The following NUP155 variants were observed in gnomAD, a reference collection of about 807,000 sequenced individuals.
NUP155 encodes nuclear pore complex protein Nup155.
A neutral mutation model predicts 180.4 loss-of-function variants in NUP155; 71 were observed. The ratio of observed to expected loss-of-function variants is 0.39; its 90% CI spans 0.33 to 0.48. The LOEUF (loss-of-function observed/expected upper bound fraction) is 0.48, where lower values mean the gene tolerates loss of function less well. NUP155 is among the 20% of genes least tolerant of loss of function. The pLI is 0.91. For missense variants in NUP155, 1,553 were observed against 1,648.9 expected (o/e 0.94, Z 1.01); for synonymous variants, 582 against 559.5 (o/e 1.04, Z -0.57).
At chr5:37,332,573 TC>T (rs1745050618) in intron 13 of NUP155, among the ~76,000 whole-genome samples, 1 of 152,070 alleles carries the variant, frequency 6.6e-6, no homozygotes, top group African/African-American at 2.4e-5. Flanking sequence ...GGCAAAAACC[TC>T]AATTGTTTTT....
rs1401620872 is a variant in NUP155, at chr5:37,341,009, T to C, written c.1246+81A>G. 14 of 1,223,006 alleles carry C rather than the reference T, an allele frequency of 1.1e-5. No individual in the cohort carries two copies. The East Asian group carries it at 3.3e-4, about 29-fold the overall frequency. The allele number at this position is 1,223,006 out of a possible 1,614,324, so 75.8% of individuals were successfully genotyped here. A position where few individuals can be genotyped will look rare whatever the true frequency, so the allele number is the denominator to read the frequency against. On this transcript the variant is annotated intron_variant, in intron 11 of 34. Coordinates refer to ENST00000231498, the MANE Select transcript of NUP155 (RefSeq NM_153485.3). ...CAGTTTCTACTGTTGCCATAGGGTA[T>C]TTTCAAATACTTCACAACACCATAT...
Position 37,303,405 on chromosome 5 carries a change from G to A in NUP155, c.3172C>T (p.Pro1058Ser), listed in dbSNP as rs1561769358. 1.2e-6 allele frequency: 2 copies of A among 1,613,846 alleles called. No homozygotes were observed. The highest frequency in any genetic ancestry group is 1.3e-5 in the African/African-American group (1 of 74,904). ...CGGACTAGATGTGGCTCCAGAAATGGAGAAGCAACCTAGAAATTATATAGT... is the reference window on the plus strand; with the variant it reads ...CGGACTAGATGTGGCTCCAGAAATGAAGAAGCAACCTAGAAATTATATAGT... The part of the protein sequence containing the change: ...LADKLLQVAS[P>S]FLEPHLVRMA... The change falls in exon 28 of 35, where the codon CCA becomes TCA. Residue 1058 changes from proline (P) to serine (S), a missense_variant. Physicochemically the swap from Pro to Ser is moderately conservative, Grantham distance 74 (BLOSUM62 -1). Coordinates refer to ENST00000231498, the MANE Select transcript of NUP155 (RefSeq NM_153485.3).
intron 30 of NUP155, chr5:37,301,157 C>T: frequency 1.1e-5 from 4 of 357,056 alleles, no homozygotes; most frequent in Non-Finnish European, 2.1e-5. Context: ...TGAGGTTTTG[C>T]CATGTTGCCC....
At chr5:37,341,987 C>A (rs1368816467) in intron 10 of NUP155, among the ~76,000 whole-genome samples, 1 of 152,188 alleles carries the variant, frequency 6.6e-6, no homozygotes, top group African/African-American at 2.4e-5. Flanking sequence ...CCAATTCAGG[C>A]TTTGTTACAA....
intron 8 of NUP155, among the ~76,000 whole-genome samples, chr5:37,348,813 A>G (rs1746273252): frequency 6.6e-6 from 1 of 152,020 alleles, no homozygotes; most frequent in Non-Finnish European, 1.5e-5. Context: ...TGGAGGGCAA[A>G]GGCATGATCT....
intron 4 of NUP155, among the ~76,000 whole-genome samples, chr5:37,353,759 A>G (rs896809284): frequency 6.6e-6 from 1 of 152,146 alleles, no homozygotes; most frequent in Admixed American, 6.6e-5. Context: ...TACAGACAAA[A>G]AGTGGAATGG....
chr5:37,357,396 T>A (rs1242662185), intron 4 of NUP155, among the ~76,000 whole-genome samples: 1 of 32,400 alleles, frequency 3.1e-5, no homozygotes, highest in Non-Finnish European at 5.1e-5. Flanking sequence ...AAGACCTTAA[T>A]CTCAAAAAAA....
intron 1 of NUP155, among the ~76,000 whole-genome samples, chr5:37,367,347 C>G (rs1747660493): frequency 6.6e-6 from 1 of 151,038 alleles, no homozygotes; most frequent in Admixed American, 6.6e-5. Context: ...CCCGAGATGC[C>G]AGGACTACAG....
In NUP155 at chr5:37,327,781, T is replaced by C. The variant is rs183010534; in HGVS notation, c.1877-5A>G. ...ACATGGCAGGAGGCTGTATACCTTG[T>C]ACACACATAAGAAAAACAAATCTCT... On this transcript the variant is annotated splice_region_variant and splice_polypyrimidine_tract_variant and intron_variant, in intron 17 of 34. Coordinates refer to ENST00000231498, the MANE Select transcript of NUP155 (RefSeq NM_153485.3). 78 of 1,614,044 alleles carry C rather than the reference T, an allele frequency of 4.8e-5. No homozygotes were observed. In the African/African-American group the frequency reaches 8.7e-4, roughly 18 times the overall value.
At chr5:37,292,187 A>C (rs1742269044) in intron 34 of NUP155, 149 bp from the exon 35 acceptor site, 1 of 766,580 alleles carries the variant, frequency 1.3e-6, no homozygotes, top group Non-Finnish European at 2.1e-6. Context: ...TAAAAAAGAA[A>C]ACTTGGGTGT....
At chr5:37,352,851 G>A (rs1215067724) in intron 4 of NUP155, 22 bp from the exon 5 acceptor site, 1 of 1,542,578 alleles carries the variant, frequency 6.5e-7, no homozygotes, top group Admixed American at 1.7e-5. Context: ...TAGACACAGG[G>A]CAGGAATACT....
At position 37,333,562 on chromosome 5, in the gene NUP155, AATT is replaced by A; in HGVS notation, c.1416_1418del (p.Ile473del). 1 of 1,613,646 alleles carries A rather than the reference AATT, an allele frequency of 6.2e-7. No individual in the cohort carries two copies. Among genetic ancestry groups the A allele is most frequent in the Non-Finnish European group, 8.5e-7 (1 of 1,179,570 alleles). ...GAATATGATCCTTGTTTAAAGGTGTAATTATTTTATCTACTTTCAATTCATCTA... is the reference window on the plus strand; with the variant it reads ...GAATATGATCCTTGTTTAAAGGTGTAATTTTATCTACTTTCAATTCATCTA... On this transcript the variant is annotated inframe_deletion, in exon 13 of 35. Coordinates refer to ENST00000231498, the MANE Select transcript of NUP155 (RefSeq NM_153485.3).
chr5:37,317,874 T>A (rs979093582), intron 21 of NUP155, 114 bp downstream of exon 21: 38 of 765,598 alleles, frequency 5.0e-5, no homozygotes, highest in Non-Finnish European at 8.8e-5. Context: ...ATATTTTAAT[T>A]ACAAATATTT....
Position 37,307,197 on chromosome 5 carries a change from C to CAAAAA in NUP155, c.2903+95_2903+99dup, listed in dbSNP as rs34995492. ...CAGGTGACAGAGCAAGACTCTGTCT[C>CAAAAA]AAAAAAAAAAAAAAAACATAAAACA... On this transcript the variant is annotated intron_variant, in intron 25 of 34. Transcript: ENST00000231498. 3.3e-5 allele frequency: 31 copies of CAAAAA among 941,776 alleles called. No homozygotes were observed. In the African/African-American group the frequency reaches 4.2e-4, roughly 13 times the overall value. 58.3% of individuals were successfully genotyped at this position (941,776 alleles called of 1,614,324 possible). A position where few individuals can be genotyped will look rare whatever the true frequency, so the allele number is the denominator to read the frequency against.
chr5:37,302,881 T>A lies in NUP155; in HGVS notation c.3345A>T (p.Leu1115=). ...TAAGAATGGCTCGAGCAATGTACTC[T>A]AGTCGCTGCTGAAGTGAAATTTCTG... ...HSTEISLQQR[L]EYIARAILSA... The change falls in exon 29 of 35, where the codon CTA becomes CTT. Residue 1115 remains leucine, a synonymous_variant. Transcript: ENST00000231498. 2 of 1,614,102 alleles carry A rather than the reference T, an allele frequency of 1.2e-6. No homozygotes were observed. Among genetic ancestry groups the A allele is most frequent in the Non-Finnish European group, 1.7e-6 (2 of 1,179,966 alleles).
At chr5:37,344,542 C>A (rs1745951541) in intron 9 of NUP155, among the ~76,000 whole-genome samples, 2 of 147,016 alleles carry the variant, frequency 1.4e-5, no homozygotes, top group Admixed American at 6.8e-5. Context: ...ATTAAAGAGA[C>A]TAACAACCAA....
At position 37,361,524 on chromosome 5, in the gene NUP155, C is replaced by T. The variant is rs1044069061; in HGVS notation, c.392+2364G>A. Among the ~76,000 whole-genome samples the T allele has an allele frequency of 2.0e-5, 3 of 152,224 alleles. No individual in the cohort carries two copies. The East Asian group carries it at 5.8e-4, about 29-fold the overall frequency. ...TGGCAACTTATGCGGACTAGGATTC[C>T]CCATCCTCTTACATCATGCCATTCC... On this transcript the variant is annotated intron_variant, in intron 3 of 34. Transcript: ENST00000231498.
In NUP155 at chr5:37,358,909, C is replaced by A. The variant is rs1007552529; in HGVS notation, c.393-758G>T. Among the ~76,000 whole-genome samples the A allele has an allele frequency of 2.0e-5, 3 of 151,566 alleles. No homozygotes were observed. In the South Asian group the frequency reaches 6.3e-4, roughly 32 times the overall value. Reference sequence around the variant, plus strand: ...GCGCACGCCTGTGGTCCCAGCTACTCGGGAGGGTGAGGCAGGAGAATCACT... The same window carrying A: ...GCGCACGCCTGTGGTCCCAGCTACTAGGGAGGGTGAGGCAGGAGAATCACT... On this transcript the variant is annotated intron_variant, in intron 3 of 34. Transcript: ENST00000231498.
rs575119923 is a variant in NUP155, at chr5:37,330,051, G to A, written c.1711C>T (p.Arg571Trp). The change falls in exon 15 of 35, where the codon CGG becomes TGG. Residue 571 changes from arginine (R) to tryptophan (W), a missense_variant. By Grantham distance (101) the Arg-to-Trp change is moderately radical. Transcript: ENST00000231498. ...CDREVSAWAT[R>W]AFFRYGGEAQ... is the part of the protein sequence containing the mutation. Reference sequence around the variant, plus strand: ...ACTTTCACATACCTAAAGAAAGCCCGAGTAGCCCAGGCAGATACTTCTCTA... The same window carrying A: ...ACTTTCACATACCTAAAGAAAGCCCAAGTAGCCCAGGCAGATACTTCTCTA... The A allele has an allele frequency of 3.7e-6, 6 of 1,612,782 alleles. No homozygotes were observed. Among genetic ancestry groups the A allele is most frequent in the Admixed American group, 3.3e-5 (2 of 59,960 alleles).
Sources: allele counts gnomAD v4.1 joint callset (sites outside exome capture counted in the v4.1 genomes callset), GRCh38; gene constraint gnomAD v4.1.1; transcripts MANE v1.5; gene names NCBI Gene and HGNC (gene_info 2026-07-23, HGNC 2026-07-21).